CXCL13: variants seen among roughly 807,000 people sequenced by gnomAD.
The protein encoded by CXCL13 is C-X-C motif chemokine ligand 13, also known as C-X-C motif chemokine 13.
CXCL13 carries 7 observed loss-of-function variants against 12.2 expected under a neutral mutation model. The ratio of observed to expected loss-of-function variants is 0.57; its 90% CI spans 0.33 to 1.07. The LOEUF (loss-of-function observed/expected upper bound fraction) is 1.07, where lower values mean the gene tolerates loss of function less well. CXCL13 is among the 50% of genes least tolerant of loss of function. The pLI is 0.04. For missense variants in CXCL13, 113 were observed against 127.4 expected, an observed-to-expected ratio of 0.89 and a Z score of 0.55; for synonymous variants, 47 against 42.4, an observed-to-expected ratio of 1.11 and a Z score of -0.42.
At chr4:77,519,367 C>T (rs1446040854) in intron 1 of CXCL13, among the ~76,000 whole-genome samples, 1 of 152,224 alleles carries the variant, frequency 6.6e-6, no homozygotes, top group Admixed American at 6.5e-5. Flanking sequence ...GTCACTCACG[C>T]TGGGAGCTGT....
intron 1 of CXCL13, among the ~76,000 whole-genome samples, chr4:77,539,048 A>T (rs1725138203): frequency 6.9e-6 from 1 of 144,776 alleles, no homozygotes; most frequent in African/African-American, 2.7e-5. Flanking sequence ...GCACAGTTTG[A>T]CCTAATTTGA....
At chr4:77,545,304 G>A (rs1194611752) in intron 1 of CXCL13, among the ~76,000 whole-genome samples, 1 of 152,152 alleles carries the variant, frequency 6.6e-6, no homozygotes, top group Non-Finnish European at 1.5e-5. Flanking sequence ...GTAGCTTGAT[G>A]GGGATGGCAT....
chr4:77,560,223 A>C lies in CXCL13; in HGVS notation c.-42-45601A>C, dbSNP rs866717879. ...TCAATTCTATTTTGTAAACTTGAGT[A>C]AGCCTTTAGTAAGAAAATAGAGATT... On this transcript the variant is annotated intron_variant, in intron 1 of 4. Transcript: ENST00000286758. Among the ~76,000 whole-genome samples, 7 of 152,326 alleles carry C rather than the reference A, an allele frequency of 4.6e-5. No individual in the cohort carries two copies. In the South Asian group the frequency reaches 1.5e-3, roughly 32 times the overall value.
chr4:77,529,464 G>T (rs1724850618), intron 1 of CXCL13, among the ~76,000 whole-genome samples: 1 of 152,086 alleles, frequency 6.6e-6, no homozygotes, highest in Non-Finnish European at 1.5e-5. Context: ...TTGAGCAGTG[G>T]TTTGTAGTTC....
chr4:77,551,591 C>T (rs1604153), intron 1 of CXCL13, among the ~76,000 whole-genome samples: 15,908 of 152,126 alleles, frequency 0.1, 2,541 homozygotes, highest in African/African-American at 0.35. Flanking sequence ...GCCTTGATGA[C>T]ACTCGTTTTG....
intron 1 of CXCL13, among the ~76,000 whole-genome samples, chr4:77,546,447 G>T (rs1232803887): frequency 2.0e-5 from 3 of 152,100 alleles, no homozygotes; most frequent in East Asian, 3.8e-4. Context: ...TCTATTCAGG[G>T]ATTCAACTTC....
chr4:77,547,196 C>T (rs1319523130), intron 1 of CXCL13, among the ~76,000 whole-genome samples: 1 of 152,192 alleles, frequency 6.6e-6, no homozygotes, highest in Admixed American at 6.6e-5. Flanking sequence ...CACTGTGGTG[C>T]TGAGAAGAAT....
At chr4:77,528,649 T>C (rs1411460532) in intron 1 of CXCL13, among the ~76,000 whole-genome samples, 2 of 152,224 alleles carry the variant, frequency 1.3e-5, no homozygotes, top group Non-Finnish European at 1.5e-5. Context: ...TGTAAATTTG[T>C]TGGAGTTCAT....
intron 1 of CXCL13, among the ~76,000 whole-genome samples, chr4:77,590,155 T>A (rs916823092): frequency 1.3e-5 from 2 of 152,348 alleles, no homozygotes; most frequent in Middle Eastern, 3.4e-3. Context: ...AAGATATATT[T>A]TTAATTCAGA....
intron 1 of CXCL13, among the ~76,000 whole-genome samples, chr4:77,545,324 A>G (rs1173221913): frequency 6.6e-6 from 1 of 152,148 alleles, no homozygotes; most frequent in Non-Finnish European, 1.5e-5. Context: ...TTGAATCTGT[A>G]AATTACCTTG....
chr4:77,575,755 A>C (rs1212364600), intron 1 of CXCL13, among the ~76,000 whole-genome samples: 2 of 151,834 alleles, frequency 1.3e-5, no homozygotes, highest in Non-Finnish European at 2.9e-5. Flanking sequence ...GAGGGCCCCT[A>C]GAGCATTCAG....
intron 1 of CXCL13, among the ~76,000 whole-genome samples, chr4:77,578,927 G>T (rs1726254308): frequency 6.6e-6 from 1 of 152,184 alleles, no homozygotes; most frequent in Non-Finnish European, 1.5e-5. Flanking sequence ...ACTACATCTG[G>T]CCAGTAAGAT....
intron 1 of CXCL13, among the ~76,000 whole-genome samples, chr4:77,551,719 G>A (rs1010320297): frequency 6.6e-6 from 1 of 152,132 alleles, no homozygotes; most frequent in Non-Finnish European, 1.5e-5. Flanking sequence ...TCTCAGGAAT[G>A]TCAATAATTC....
chr4:77,521,673 G>T (rs1724604560), intron 1 of CXCL13, among the ~76,000 whole-genome samples: 1 of 151,840 alleles, frequency 6.6e-6, no homozygotes, highest in Non-Finnish European at 1.5e-5. Context: ...ACAGCTCCTG[G>T]ATTCATTGAT....
chr4:77,571,838 G>T (rs1057134225), intron 1 of CXCL13, among the ~76,000 whole-genome samples: 7 of 151,702 alleles, frequency 4.6e-5, no homozygotes, highest in Non-Finnish European at 1.0e-4. Context: ...GCTTTTATGA[G>T]CTGTAACACT....
chr4:77,573,834 CT>C (rs1560530303), intron 1 of CXCL13, among the ~76,000 whole-genome samples: 1 of 151,856 alleles, frequency 6.6e-6, no homozygotes, highest in Non-Finnish European at 1.5e-5. Flanking sequence ...TTCTTTTCCC[CT>C]CCATGGATAG....
rs188951188 is a variant in CXCL13 at position 77,596,742 on chromosome 4, G to A, written c.-42-9082G>A. On this transcript the variant is annotated intron_variant, in intron 1 of 4. Coordinates refer to the CXCL13 transcript ENST00000286758. Reference sequence around the variant, plus strand: ...AGAGGTTGCAGTGAGCTGAGACCGCGCCATTGCACTCTAGCCTGGGCAACA... The same window carrying A: ...AGAGGTTGCAGTGAGCTGAGACCGCACCATTGCACTCTAGCCTGGGCAACA... 8.7e-3 allele frequency among the ~76,000 whole-genome samples: 1,265 copies of A among 145,126 alleles called. 12 individuals are homozygous for A. The highest frequency in any genetic ancestry group is 0.03 in the African/African-American group (1,155 of 39,148).
Position 77,607,784 on chromosome 4 carries a change from A to G in CXCL13, c.146A>G (p.Asp49Gly). The G allele has an allele frequency of 6.2e-7, 1 of 1,614,114 alleles. No individual in the cohort carries two copies. ...SSVFIPRRFIDRIQILPRGNG... is the reference protein window; with the variant it reads ...SSVFIPRRFIGRIQILPRGNG... ...GTCTTTATCCCTAGACGCTTCATTGATCGAATTCAAATCTTGCCCCGTGGG... is the reference window on the plus strand; with the variant it reads ...GTCTTTATCCCTAGACGCTTCATTGGTCGAATTCAAATCTTGCCCCGTGGG... Residue 49 changes from aspartate to glycine, a missense_variant, in exon 2 of 4, where the codon GAT becomes GGT. Coordinates refer to ENST00000682537, the MANE Select transcript of CXCL13 (RefSeq NM_001371558.1).
chr4:77,594,226 A>G (rs1160512815), intron 1 of CXCL13, among the ~76,000 whole-genome samples: 2 of 152,146 alleles, frequency 1.3e-5, no homozygotes, highest in African/African-American at 2.4e-5. Context: ...GCAGAGGACG[A>G]GAGGAGTGAG....
Sources: allele counts gnomAD v4.1 joint callset (sites outside exome capture counted in the v4.1 genomes callset), GRCh38; gene constraint gnomAD v4.1.1; transcripts MANE v1.5; gene names NCBI Gene and HGNC (gene_info 2026-07-23, HGNC 2026-07-21).